The following GALNT13 variants were observed in gnomAD, a reference collection of about 807,000 sequenced individuals.
GALNT13 encodes UDP-GalNAc:polypeptide N-acetylgalactosaminyltransferase 13.
GALNT13 carries 28 observed loss-of-function variants against 64.2 expected under a neutral mutation model. The ratio of observed to expected loss-of-function variants is 0.44; its 90% CI spans 0.32 to 0.60. GALNT13 has a LOEUF of 0.60. Ranked by LOEUF, GALNT13 falls within the 20% of genes least tolerant of loss-of-function variation. The pLI is 0.05. For synonymous variants in GALNT13, 214 were observed against 224.6 expected, an observed-to-expected ratio of 0.95 and a Z score of 0.42; for missense variants, 577 against 669.8, an observed-to-expected ratio of 0.86 and a Z score of 1.53.
the GALNT13 span, among the ~76,000 whole-genome samples, chr2:153,259,412 G>T: frequency 2.0e-5 from 3 of 151,200 alleles, no homozygotes; most frequent in Admixed American, 6.6e-5. Flanking sequence ...TGAAAAGTTT[G>T]GTCAATTTTC....
intron 3 of GALNT13, among the ~76,000 whole-genome samples, chr2:153,989,580 G>A (rs1217828604): frequency 6.6e-6 from 1 of 151,986 alleles, no homozygotes; most frequent in Non-Finnish European, 1.5e-5. Context: ...AAATGTGGAA[G>A]AGTACTCTTG....
the GALNT13 span, among the ~76,000 whole-genome samples, chr2:153,072,463 G>A: frequency 6.1e-4 from 93 of 152,324 alleles, no homozygotes; most frequent in Admixed American, 2.7e-3. Context: ...CGGATCAAAT[G>A]CTTTCAGTGC....
At chr2:153,478,768 C>G in the GALNT13 span, 17 of 555,966 alleles carry the variant, frequency 3.1e-5, no homozygotes, top group Non-Finnish European at 4.8e-5. Flanking sequence ...CTTCTAAAGC[C>G]GTCCGCTCCA....
upstream of GALNT13, among the ~76,000 whole-genome samples, chr2:153,870,403 C>G (rs1685846483): frequency 6.6e-6 from 1 of 152,014 alleles, no homozygotes; most frequent in Non-Finnish European, 1.5e-5. Context: ...GCTGTATCAG[C>G]ATCAGAACCC....
rs1382686701 is a variant in GALNT13, at chr2:154,450,435, A to G, written c.1555A>G (p.Ser519Gly). Residue 519 changes from serine to glycine, a missense_variant, in exon 13 of 13, where the codon AGT (serine) becomes GGT (glycine). Transcript: ENST00000392825. ...AERLTLRHVNSNQCLDEPSEE... is the reference protein window; with the variant it reads ...AERLTLRHVNGNQCLDEPSEE... Reference sequence around the variant, plus strand: ...GAGACTCACGTTGCGACATGTTAACAGTAACCAATGTCTCGATGAACCTTC... The same window carrying G: ...GAGACTCACGTTGCGACATGTTAACGGTAACCAATGTCTCGATGAACCTTC... 1 of 1,612,476 alleles carries G rather than the reference A, an allele frequency of 6.2e-7. No individual in the cohort carries two copies. Among genetic ancestry groups the G allele is most frequent in the Non-Finnish European group, 8.5e-7 (1 of 1,179,046 alleles).
intron 3 of GALNT13, among the ~76,000 whole-genome samples, chr2:153,966,574 T>C (rs1355048247): frequency 6.6e-6 from 1 of 152,034 alleles, no homozygotes; most frequent in Non-Finnish European, 1.5e-5. Flanking sequence ...CTCACCGTGT[T>C]ACCCAGGATG....
the GALNT13 span, among the ~76,000 whole-genome samples, chr2:153,233,486 T>TA: frequency 0.33 from 49,532 of 150,308 alleles, 8,232 homozygotes; most frequent in Middle Eastern, 0.48. Context: ...ACCTTATTTT[T>TA]AAAAAAAAAA....
chr2:153,665,973 T>C, the GALNT13 span, among the ~76,000 whole-genome samples: 587 of 152,258 alleles, frequency 3.9e-3, 2 homozygotes, highest in African/African-American at 0.014. Flanking sequence ...TAGGCAGGTT[T>C]GGCTTTTGTT....
At chr2:153,181,975 T>C in the GALNT13 span, among the ~76,000 whole-genome samples, 3 of 150,732 alleles carry the variant, frequency 2.0e-5, no homozygotes, top group Non-Finnish European at 4.4e-5. Context: ...CCTTAAGCAT[T>C]ATTATTTATT....
the GALNT13 span, among the ~76,000 whole-genome samples, chr2:153,654,387 TATC>T: frequency 6.6e-6 from 1 of 152,090 alleles, no homozygotes; most frequent in East Asian, 1.9e-4. Flanking sequence ...ATTATGAAAA[TATC>T]ATCATTTTTG....
chr2:153,301,754 G>A, the GALNT13 span, among the ~76,000 whole-genome samples: 1 of 152,026 alleles, frequency 6.6e-6, no homozygotes, highest in South Asian at 2.1e-4. Flanking sequence ...CATAAGTGAG[G>A]TTATATGGTC....
At chr2:153,325,002 A>G in the GALNT13 span, among the ~76,000 whole-genome samples, 1,374 of 151,546 alleles carry the variant, frequency 9.1e-3, 26 homozygotes, top group East Asian at 0.086. Flanking sequence ...TCATACAATG[A>G]TTTAGGAAGA....
At chr2:154,348,416 T>A (rs1696191726) in intron 9 of GALNT13, among the ~76,000 whole-genome samples, 1 of 151,994 alleles carries the variant, frequency 6.6e-6, no homozygotes, top group Non-Finnish European at 1.5e-5. Context: ...GGTGTTACAG[T>A]GTGCTTTGGT....
the GALNT13 span, among the ~76,000 whole-genome samples, chr2:153,162,816 T>A: frequency 1.3e-5 from 2 of 152,184 alleles, no homozygotes; most frequent in African/African-American, 2.4e-5. Flanking sequence ...AAATTCTACC[T>A]AGGGATGTTA....
chr2:153,811,219 A>T, the GALNT13 span, among the ~76,000 whole-genome samples: 1 of 152,170 alleles, frequency 6.6e-6, no homozygotes, highest in Non-Finnish European at 1.5e-5. Flanking sequence ...AGGTCTTTTT[A>T]TTTCGATCTA....
At chr2:154,138,971 C>G (rs984996954) in intron 3 of GALNT13, among the ~76,000 whole-genome samples, 19 of 151,866 alleles carry the variant, frequency 1.3e-4, no homozygotes, top group African/African-American at 3.9e-4. Flanking sequence ...ATTTTGATGA[C>G]AACTTTTTAA....
chr2:154,306,199 C>A (rs928966178), intron 9 of GALNT13, among the ~76,000 whole-genome samples: 5 of 151,932 alleles, frequency 3.3e-5, no homozygotes, highest in Non-Finnish European at 5.9e-5. Flanking sequence ...ATGTGCAGAA[C>A]ATGCAGGTTT....
chr2:153,119,554 T>C, the GALNT13 span, among the ~76,000 whole-genome samples: 4 of 152,220 alleles, frequency 2.6e-5, no homozygotes, highest in Admixed American at 2.6e-4. Context: ...ATGGCACTGT[T>C]AGTGCCCCAG....
At chr2:153,166,621 A>ATGTGTGTGTGTGTGTGTG in the GALNT13 span, among the ~76,000 whole-genome samples, 20 of 122,746 alleles carry the variant, frequency 1.6e-4, no homozygotes, top group South Asian at 3.2e-4. Flanking sequence ...TGCCTACTGC[A>ATGTGTGTGTGTGTGTGTG]TGTGTGTGTG....
Sources: gnomAD v4.1 joint callset for allele counts (sites outside exome capture counted in the v4.1 genomes callset) on GRCh38, gnomAD v4.1.1 for gene constraint, MANE v1.5 for transcripts, NCBI Gene and HGNC (gene_info 2026-07-23, HGNC 2026-07-21) for gene names.